TBCK: variants seen among roughly 807,000 people sequenced by gnomAD.
The protein encoded by TBCK is TBC1 domain containing kinase.
Under a neutral mutation model 113.4 loss-of-function variants are expected in TBCK, and 99 were observed. The observed-to-expected ratio is 0.87, with a 90% CI of 0.74 to 1.03. The LOEUF is 1.03. Ranked by LOEUF, TBCK falls within the 50% of genes least tolerant of loss-of-function variation. TBCK has a pLI of 0.00. For missense variants in TBCK, 1,045 were observed against 1,061.3 expected (o/e 0.98, Z 0.21); for synonymous variants, 369 against 370.8 (o/e 1.00, Z 0.05).
chr4:106,217,447 A>G (rs1450648423), intron 19 of TBCK, among the ~76,000 whole-genome samples: 2 of 152,208 alleles, frequency 1.3e-5, no homozygotes, highest in Non-Finnish European at 2.9e-5. Flanking sequence ...TGCAGATGAC[A>G]TGATTGTATA....
intron 6 of TBCK, 30 bp from the exon 7 acceptor site, chr4:106,250,508 T>G (rs756919920): frequency 7.7e-7 from 1 of 1,293,256 alleles, no homozygotes; most frequent in Non-Finnish European, 1.1e-6. Flanking sequence ...AAATTTCTAT[T>G]AATATTTACA....
At chr4:106,190,502 T>C (rs1389089678) in intron 22 of TBCK, among the ~76,000 whole-genome samples, 1 of 152,208 alleles carries the variant, frequency 6.6e-6, no homozygotes, top group Non-Finnish European at 1.5e-5. Flanking sequence ...CTTAGATGAA[T>C]ATGAACATTT....
chr4:106,234,537 G>A (rs888223218), intron 15 of TBCK, among the ~76,000 whole-genome samples: 1 of 152,028 alleles, frequency 6.6e-6, no homozygotes, highest in Non-Finnish European at 1.5e-5. Context: ...TCGAACTCCT[G>A]GGCTCAAGTA....
chr4:106,088,314 C>T (rs181015517), intron 25 of TBCK, among the ~76,000 whole-genome samples: 132 of 152,256 alleles, frequency 8.7e-4, no homozygotes, highest in Non-Finnish European at 1.7e-3. Flanking sequence ...AGCTCCTCCT[C>T]AAAAGAAGAC....
At position 106,242,507 on chromosome 4, in the gene TBCK, T is replaced by A. The variant is rs758176816; in HGVS notation, c.1133A>T (p.Asp378Val). ...GCATAACGACAATGTCACAGTGGTATCATCTAAAAGCGAGCTTCTATCTCG... is the reference window on the plus strand; with the variant it reads ...GCATAACGACAATGTCACAGTGGTAACATCTAAAAGCGAGCTTCTATCTCG... ...QGRDRSSLLDDTTVTLSLCQL... is the reference protein window; with the variant it reads ...QGRDRSSLLDVTTVTLSLCQL... The change falls in exon 12 of 26, where the codon GAT becomes GTT. Residue 378 changes from aspartate to valine, a missense_variant. Transcript: ENST00000394708. 2 of 1,608,858 alleles carry A rather than the reference T, an allele frequency of 1.2e-6. No homozygotes were observed. The highest frequency in any genetic ancestry group is 1.1e-5 in the South Asian group (1 of 90,208).
chr4:106,293,939 G>A (rs748805890), intron 3 of TBCK, among the ~76,000 whole-genome samples: 6 of 152,132 alleles, frequency 3.9e-5, no homozygotes, highest in Non-Finnish European at 7.4e-5. Context: ...AGGTCACTTC[G>A]GGAAATCTGT....
intron 22 of TBCK, among the ~76,000 whole-genome samples, chr4:106,183,506 T>C (rs1752646750): frequency 6.6e-6 from 1 of 152,058 alleles, no homozygotes; most frequent in African/African-American, 2.4e-5. Context: ...CTGCCAATGC[T>C]TTCTCTCCAT....
At chr4:106,268,788 T>C (rs964949579) in intron 3 of TBCK, among the ~76,000 whole-genome samples, 9 of 152,098 alleles carry the variant, frequency 5.9e-5, no homozygotes, top group African/African-American at 1.9e-4. Context: ...TTTAGGTATC[T>C]GCAACATTTC....
At chr4:106,094,114 C>T (rs184782530) in intron 25 of TBCK, among the ~76,000 whole-genome samples, 1 of 152,228 alleles carries the variant, frequency 6.6e-6, no homozygotes, top group East Asian at 1.9e-4. Context: ...AAATCAATAG[C>T]CTAGTTCCTT....
chr4:106,132,565 T>G (rs1162495992), intron 23 of TBCK, among the ~76,000 whole-genome samples: 1 of 152,212 alleles, frequency 6.6e-6, no homozygotes, highest in African/African-American at 2.4e-5. Flanking sequence ...TGTAGGGCAC[T>G]GCCTAATGGA....
At chr4:106,283,616 T>C (rs1032976902) in intron 3 of TBCK, among the ~76,000 whole-genome samples, 8 of 152,130 alleles carry the variant, frequency 5.3e-5, no homozygotes, top group African/African-American at 7.2e-5. Flanking sequence ...TTAAAACTAA[T>C]TGTACAATTT....
intron 23 of TBCK, among the ~76,000 whole-genome samples, chr4:106,116,929 A>G (rs1029661381): frequency 2.6e-5 from 4 of 152,136 alleles, no homozygotes; most frequent in African/African-American, 9.7e-5. Context: ...TAATATAAAT[A>G]AAGTGCACAA....
At chr4:106,316,502 A>G, upstream of TBCK, 2 of 1,539,890 alleles carry the variant, frequency 1.3e-6, no homozygotes, top group Non-Finnish European at 1.8e-6. Flanking sequence ...AGGACACCTC[A>G]TTGGGTCCTT....
intron 3 of TBCK, among the ~76,000 whole-genome samples, chr4:106,278,285 C>T (rs1044961443): frequency 3.3e-5 from 5 of 151,988 alleles, no homozygotes; most frequent in South Asian, 2.1e-4. Context: ...GGGCTGGGCG[C>T]GGCACCTCAT....
chr4:106,186,024 C>A (rs747314933), intron 22 of TBCK, among the ~76,000 whole-genome samples: 9 of 152,084 alleles, frequency 5.9e-5, no homozygotes, highest in Non-Finnish European at 1.3e-4. Flanking sequence ...AAGATAATGG[C>A]TTCCAGCTCC....
rs546296474 is a variant in TBCK, at chr4:106,224,747, T to C, written c.1774+5616A>G. On this transcript the variant is annotated intron_variant, in intron 19 of 25. Coordinates refer to ENST00000394708, the MANE Select transcript of TBCK (RefSeq NM_001163435.3). ...CGACAGATCAGATTTGATTAGTGGA[T>C]ATTTTATCATCCCATTTTACACTCT... Among the ~76,000 whole-genome samples the C allele has an allele frequency of 6.0e-4, 92 of 152,328 alleles. 1 individual carries two copies. In the South Asian group the frequency reaches 0.012, roughly 21 times the overall value.
At position 106,233,044 on chromosome 4, in the gene TBCK, G is replaced by C; in HGVS notation, c.1533C>G (p.Arg511=). Residue 511 remains arginine, a synonymous_variant, in exon 17 of 26, where the codon CGC becomes CGG. Coordinates refer to ENST00000394708, the MANE Select transcript of TBCK (RefSeq NM_001163435.3). ...TDRQIEVDIP[R]CHQYDELLSS... is the part of the protein sequence containing the mutation. ...ATAACAGTTCATCGTACTGATGACA[G>C]CGAGGAATATCCACTTCAATCTGTT... 1 of 1,611,276 alleles carries C rather than the reference G, an allele frequency of 6.2e-7. No homozygotes were observed. The highest frequency in any genetic ancestry group is 8.5e-7 in the Non-Finnish European group (1 of 1,178,262).
chr4:106,131,842 AG>A (rs1477365560), intron 23 of TBCK, among the ~76,000 whole-genome samples: 10 of 152,200 alleles, frequency 6.6e-5, no homozygotes, highest in Non-Finnish European at 1.5e-5. Context: ...AATAAGGTCC[AG>A]GCTGAGGTAG....
chr4:106,063,091 C>T (rs1736232518), intron 25 of TBCK, among the ~76,000 whole-genome samples: 1 of 151,814 alleles, frequency 6.6e-6, no homozygotes, highest in Admixed American at 6.6e-5. Flanking sequence ...ACTGTTACTC[C>T]CAACTTTTAT....
Sources: gnomAD v4.1 joint callset for allele counts (sites outside exome capture counted in the v4.1 genomes callset) on GRCh38, gnomAD v4.1.1 for gene constraint, MANE v1.5 for transcripts, NCBI Gene and HGNC (gene_info 2026-07-23, HGNC 2026-07-21) for gene names.